PHTF2: variants seen among roughly 807,000 people sequenced by gnomAD.
The protein encoded by PHTF2 is putative homeodomain transcription factor 2, also known as protein PHTF2.
A neutral mutation model predicts 101.2 loss-of-function variants in PHTF2; 60 were observed. That is an observed-to-expected ratio of 0.59 (90% CI 0.48 to 0.73). PHTF2 has a LOEUF of 0.73. Among genes scored for constraint, PHTF2 ranks in the 30% least tolerant of loss-of-function variants. PHTF2 has a pLI of 0.00. For synonymous variants in PHTF2, 311 were observed against 307.3 expected (o/e 1.01, Z -0.13); for missense variants, 747 against 908.7 (o/e 0.82, Z 2.29).
exon 14 of PHTF2, chr7:77,940,156 T>G: frequency 6.2e-7 from 1 of 1,613,864 alleles, no homozygotes; most frequent in Non-Finnish European, 8.5e-7. Flanking sequence ...CACAGCACAT[T>G]CTGCTTCAGA....
At chr7:77,929,350 T>C in intron 12 of PHTF2, 23 bp downstream of exon 11, 1 of 1,209,674 alleles carries the variant, frequency 8.3e-7, no homozygotes, top group Non-Finnish European at 1.2e-6. Context: ...TTTTGGCTTA[T>C]GTGGAGCTAT....
intron 15 of PHTF2, 127 bp from the exon 15 acceptor site, chr7:77,942,573 A>T: frequency 6.1e-6 from 3 of 493,632 alleles, no homozygotes; most frequent in Admixed American, 3.8e-5. Flanking sequence ...GGTATATTCA[A>T]CATTGTGGGC....
chr7:77,921,783 CATTTA>C (rs1034056231), intron 10 of PHTF2, among the ~76,000 whole-genome samples: 1 of 152,084 alleles, frequency 6.6e-6, no homozygotes, highest in Non-Finnish European at 1.5e-5. Context: ...GCTCTAGAGT[CATTTA>C]ATTTCGTAAT....
chr7:77,823,371 C>A (rs112663621), intron 1 of PHTF2, among the ~76,000 whole-genome samples: 356 of 152,068 alleles, frequency 2.3e-3, no homozygotes, highest in African/African-American at 8.3e-3. Context: ...CAGGCACACG[C>A]CACCACACCC....
intron 1 of PHTF2, among the ~76,000 whole-genome samples, chr7:77,827,858 G>C (rs1180457781): frequency 4.6e-5 from 7 of 151,356 alleles, no homozygotes; most frequent in African/African-American, 1.7e-4. Context: ...TGGTCAGGCT[G>C]ATCTCAAACT....
At chr7:77,897,340 GT>G (rs561338306) in intron 5 of PHTF2, among the ~76,000 whole-genome samples, 2 of 139,192 alleles carry the variant, frequency 1.4e-5, no homozygotes, top group African/African-American at 5.3e-5. Flanking sequence ...TACTTAGAGA[GT>G]TTTTTTTAAA....
At chr7:77,954,612 GTATA>G (rs66540211) in intron 19 of PHTF2, among the ~76,000 whole-genome samples, 1,613 of 90,184 alleles carry the variant, frequency 0.018, 9 homozygotes, top group East Asian at 0.064. Context: ...CAAGTACTGT[GTATA>G]TATATATATA....
chr7:77,842,197 T>TTA (rs1345898319), intron 2 of PHTF2, among the ~76,000 whole-genome samples: 1 of 152,172 alleles, frequency 6.6e-6, no homozygotes, highest in African/African-American at 2.4e-5. Context: ...ACATATTCTA[T>TTA]TATATATATA....
chr7:77,907,699 T>G (rs1029169527), intron 7 of PHTF2, among the ~76,000 whole-genome samples: 3 of 152,242 alleles, frequency 2.0e-5, no homozygotes, highest in African/African-American at 4.8e-5. Flanking sequence ...GATGTTTACT[T>G]AATCTGTTTT....
chr7:77,933,624 C>T (rs1175458342), intron 12 of PHTF2, among the ~76,000 whole-genome samples: 2 of 151,516 alleles, frequency 1.3e-5, no homozygotes, highest in African/African-American at 2.4e-5. Flanking sequence ...GTCACTGAGA[C>T]TAACAACTGG....
At chr7:77,874,037 T>C (rs1255880568) in intron 3 of PHTF2, among the ~76,000 whole-genome samples, 3 of 152,200 alleles carry the variant, frequency 2.0e-5, no homozygotes, top group African/African-American at 7.2e-5. Flanking sequence ...CATCACTTTG[T>C]CCACTGAACT....
At chr7:77,822,123 A>G (rs1470062386) in intron 1 of PHTF2, among the ~76,000 whole-genome samples, 2 of 152,170 alleles carry the variant, frequency 1.3e-5, no homozygotes, top group East Asian at 3.8e-4. Flanking sequence ...CTCTGGCTCA[A>G]GGGCAGGTTT....
chr7:77,933,847 A>G (rs570744999), intron 12 of PHTF2, among the ~76,000 whole-genome samples: 102 of 151,884 alleles, frequency 6.7e-4, no homozygotes, highest in African/African-American at 2.3e-3. Flanking sequence ...TAAATGATTT[A>G]AAAAATTGTT....
At chr7:77,815,668 A>G (rs1793798214) in intron 1 of PHTF2, among the ~76,000 whole-genome samples, 1 of 152,252 alleles carries the variant, frequency 6.6e-6, no homozygotes, top group South Asian at 2.1e-4. Flanking sequence ...CTGCAGGGTC[A>G]TAGAGAAATA....
At chr7:77,878,559 A>G (rs553455186) in intron 3 of PHTF2, among the ~76,000 whole-genome samples, 1 of 152,284 alleles carries the variant, frequency 6.6e-6, no homozygotes, top group African/African-American at 2.4e-5. Flanking sequence ...TAGTTTTACA[A>G]AGGTGGTTTC....
chr7:77,900,648 A>G (rs1163424655), intron 5 of PHTF2, 63 bp from the exon 5 acceptor site: 2 of 835,932 alleles, frequency 2.4e-6, no homozygotes, highest in South Asian at 2.8e-5. Context: ...TTAGAAATTG[A>G]TTTTCTCCTG....
At chr7:77,854,647 C>G in intron 2 of PHTF2, 1 of 670,590 alleles carries the variant, frequency 1.5e-6, no homozygotes, top group Non-Finnish European at 2.7e-6. Context: ...GAAATCTACT[C>G]CATGCTGTAT....
chr7:77,844,182 C>G (rs187026119), intron 2 of PHTF2, among the ~76,000 whole-genome samples: 1 of 151,918 alleles, frequency 6.6e-6, no homozygotes, highest in Admixed American at 6.6e-5. Context: ...ATTTTTTTGA[C>G]GGGATTTCAC....
rs529471610 is a variant in PHTF2, at chr7:77,806,275, C to T, written c.-36+7304C>T. Among the ~76,000 whole-genome samples the T allele has an allele frequency of 2.6e-5, 4 of 152,056 alleles. No individual in the cohort carries two copies. The South Asian group carries it at 8.3e-4, about 31-fold the overall frequency. ...TTTTTGAAAAAATGGTATTGAATCT[C>T]TATAAATGTGGACTTGCTGATTTCT... is the stretch of plus-strand genomic sequence containing the variant. On this transcript the variant is annotated intron_variant, in intron 1 of 19. Coordinates refer to ENST00000416283, the Ensembl canonical transcript of PHTF2.
Sources: gnomAD v4.1 joint callset for allele counts (sites outside exome capture counted in the v4.1 genomes callset) on GRCh38, gnomAD v4.1.1 for gene constraint, MANE v1.5 for transcripts, NCBI Gene and HGNC (gene_info 2026-07-23, HGNC 2026-07-21) for gene names.